MN1: variants seen among roughly 807,000 people sequenced by gnomAD.
MN1 encodes the protein MN1 proto-oncogene, transcriptional regulator, also known as transcriptional activator MN1.
MN1 carries 19 observed loss-of-function variants against 86.9 expected under a neutral mutation model. The observed-to-expected ratio is 0.22, with a 90% CI of 0.15 to 0.32. The LOEUF (loss-of-function observed/expected upper bound fraction) is 0.32. MN1 is among the 10% of genes least tolerant of loss of function. The pLI, the probability that MN1 is intolerant of heterozygous loss-of-function variation, is 1.00. For synonymous variants in MN1, 928 were observed against 849.6 expected (o/e 1.09, Z -1.60); for missense variants, 1,841 against 1,862.0 (o/e 0.99, Z 0.21).
chr22:27,761,692 A>G (rs1253732599), intron 1 of MN1, among the ~76,000 whole-genome samples: 2 of 152,088 alleles, frequency 1.3e-5, no homozygotes, highest in African/African-American at 4.8e-5. Context: ...CCCCCAACTC[A>G]TGATGGGCAG....
intron 1 of MN1, among the ~76,000 whole-genome samples, chr22:27,780,246 A>G (rs1459114599): frequency 1.3e-5 from 2 of 152,062 alleles, no homozygotes; most frequent in African/African-American, 2.4e-5. Context: ...CCAAACTGCT[A>G]ATCTGACCGT....
rs1014133724 is a variant in MN1, at chr22:27,799,379, G to A, written c.1165C>T (p.Pro389Ser). Residue 389 changes from proline to serine, a missense_variant, in exon 1 of 2, where the codon CCC becomes TCC. By Grantham distance (74) the Pro-to-Ser change is moderately conservative (BLOSUM62 -1). Coordinates refer to ENST00000302326, the MANE Select transcript of MN1 (RefSeq NM_002430.3). Reference protein sequence around the residue: ...PRPQQGEAGTPSGGLQDGGPM... With the variant: ...PRPQQGEAGTSSGGLQDGGPM... The stretch of plus-strand genomic sequence containing the variant: ...CCTCCGTCCTGCAGGCCGCCGCTGG[G>A]CGTGCCCGCCTCGCCCTGCTGGGGC... 1.9e-6 allele frequency: 3 copies of A among 1,542,694 alleles called. No homozygotes were observed. Among genetic ancestry groups the A allele is most frequent in the Non-Finnish European group, 1.7e-6 (2 of 1,147,878 alleles).
intron 1 of MN1, among the ~76,000 whole-genome samples, chr22:27,795,584 G>A (rs912119618): frequency 6.1e-4 from 93 of 152,054 alleles, no homozygotes; most frequent in African/African-American, 2.1e-3. Flanking sequence ...AGTCTGTCTA[G>A]GGAAACCAAG....
chr22:27,750,010 C>T lies in MN1; in HGVS notation c.*905G>A, dbSNP rs1301074563. The T allele has an allele frequency of 4.3e-6, 1 of 232,316 alleles. No individual in the cohort carries two copies. The highest frequency in any genetic ancestry group is 8.5e-6 in the Non-Finnish European group (1 of 117,532). 14.4% of individuals were successfully genotyped at this position (232,316 alleles called of 1,614,324 possible). Reference sequence around the variant, plus strand: ...CAAAGACTGCAGGCTGGGAGCACACCATCCCCCATGCAGACCAAAGGCTGC... The same window carrying T: ...CAAAGACTGCAGGCTGGGAGCACACTATCCCCCATGCAGACCAAAGGCTGC... On this transcript the variant is annotated 3_prime_UTR_variant, in exon 2 of 2. Transcript: ENST00000302326.
intron 1 of MN1, among the ~76,000 whole-genome samples, chr22:27,785,715 C>T (rs1313978830): frequency 6.6e-6 from 1 of 150,762 alleles, no homozygotes; most frequent in East Asian, 2.0e-4. Context: ...CTAGAAATGT[C>T]ATAATTATAG....
At chr22:27,772,712 C>T (rs1044378432) in intron 1 of MN1, among the ~76,000 whole-genome samples, 6 of 152,208 alleles carry the variant, frequency 3.9e-5, no homozygotes, top group African/African-American at 1.2e-4. Flanking sequence ...GCCTCAGTTT[C>T]CTCACCTGTC....
chr22:27,799,640 G>C lies in MN1; in HGVS notation c.904C>G (p.Gln302Glu), dbSNP rs765888331. The change falls in exon 1 of 2, where the codon CAG becomes GAG. Residue 302 changes from glutamine to glutamate, a missense_variant. By Grantham distance (29) the Gln-to-Glu change is conservative (BLOSUM62 2). Coordinates refer to ENST00000302326, the MANE Select transcript of MN1 (RefSeq NM_002430.3). ...PPQQQPQQQQ[Q>E]PQQQQQQHGV... is the part of the protein sequence containing the mutation. ...TGCTGCTGCTGCTGCTGCTGGGGCT[G>C]CTGCTGCTGCTGGGGCTGCTGCTGC... The C allele has an allele frequency of 2.1e-5, 32 of 1,548,606 alleles. No individual in the cohort carries two copies. The South Asian group carries it at 3.7e-4, about 18-fold the overall frequency.
At position 27,798,924 on chromosome 22, in the gene MN1, T is replaced by TGCTGCTGCTGCTGTTGCTGC; in HGVS notation, c.1619_1620insGCAGCAACAGCAGCAGCAGC (p.Gln547HisfsTer18). On this transcript the variant is annotated frameshift_variant, in exon 1 of 2. Transcript: ENST00000302326. LOFTEE classifies it high-confidence loss of function. ...GCTGCTGCTGCTGTTGCTGTTGCTG[T>TGCTGCTGCTGCTGTTGCTGC]TGCTGCTGCTGCTGCTGCTGTTGCT... 1 of 1,519,862 alleles carries TGCTGCTGCTGCTGTTGCTGC rather than the reference T, an allele frequency of 6.6e-7. No homozygotes were observed. 94.1% of individuals were successfully genotyped at this position (1,519,862 alleles called of 1,614,324 possible).
At position 27,792,115 on chromosome 22, in the gene MN1, A is replaced by G. The variant is rs532677283; in HGVS notation, c.3781+4648T>C. ...ATACCTCTGTCAGGCAAACAAAATC[A>G]TATCAGGAATCATAGAATTTCCTTG... is the stretch of plus-strand genomic sequence containing the variant. On this transcript the variant is annotated intron_variant, in intron 1 of 1. Transcript: ENST00000302326. 2.0e-5 allele frequency among the ~76,000 whole-genome samples: 3 copies of G among 152,256 alleles called. No homozygotes were observed. In the East Asian group the frequency reaches 5.8e-4, roughly 29 times the overall value.
chr22:27,792,938 A>C (rs1236619871), intron 1 of MN1, among the ~76,000 whole-genome samples: 1 of 152,154 alleles, frequency 6.6e-6, no homozygotes, highest in East Asian at 1.9e-4. Context: ...CCATGTTCAA[A>C]TCTTGCCTGC....
In MN1 at chr22:27,800,558, A is replaced by T; in HGVS notation, c.-15T>A. On this transcript the variant is annotated 5_prime_UTR_variant, in exon 1 of 2. Transcript: ENST00000302326. ...AGCCCAAACATACTTGGCGGGGGGCAGAGGGGGATCAATAGGGCATGACAG... is the reference window on the plus strand; with the variant it reads ...AGCCCAAACATACTTGGCGGGGGGCTGAGGGGGATCAATAGGGCATGACAG... 4.3e-6 allele frequency: 7 copies of T among 1,613,758 alleles called. No individual in the cohort carries two copies. Among genetic ancestry groups the T allele is most frequent in the Non-Finnish European group, 5.9e-6 (7 of 1,179,992 alleles).
chr22:27,756,561 C>G (rs1932803429), intron 1 of MN1, among the ~76,000 whole-genome samples: 1 of 152,138 alleles, frequency 6.6e-6, no homozygotes, highest in Non-Finnish European at 1.5e-5. Context: ...CAACAACTGC[C>G]CATATCAAGG....
chr22:27,800,680 C>CG lies in MN1; in HGVS notation c.-138_-137insC, dbSNP rs1187137279. 12 of 1,213,766 alleles carry CG rather than the reference C, an allele frequency of 9.9e-6. No individual in the cohort carries two copies. The highest frequency in any genetic ancestry group is 1.1e-5 in the Non-Finnish European group (10 of 872,502). The allele number at this position is 1,213,766 out of a possible 1,614,324, so 75.2% of individuals were successfully genotyped here. On this transcript the variant is annotated 5_prime_UTR_variant, in exon 1 of 2. Transcript: ENST00000302326. ...CACCGCGGGGGCTCAGCGCGCACCT[C>CG]CACCCCGCCTGATGTGAGGGACGGG... is the stretch of plus-strand genomic sequence containing the variant.
At chr22:27,789,690 C>G (rs571727367) in intron 1 of MN1, among the ~76,000 whole-genome samples, 54 of 152,350 alleles carry the variant, frequency 3.5e-4, no homozygotes, top group African/African-American at 1.3e-3. Flanking sequence ...TCACAGAGAG[C>G]CAGCATGTTA....
At chr22:27,783,916 T>C (rs1341386047) in intron 1 of MN1, among the ~76,000 whole-genome samples, 1 of 152,206 alleles carries the variant, frequency 6.6e-6, no homozygotes, top group African/African-American at 2.4e-5. Flanking sequence ...CACTGGCCCA[T>C]GGCGGCCAGT....
chr22:27,751,177 G>A lies in MN1; in HGVS notation c.3782-81C>T. 3.1e-6 allele frequency: 4 copies of A among 1,280,566 alleles called. No individual in the cohort carries two copies. In the East Asian group the frequency reaches 7.6e-5, roughly 24 times the overall value. The allele number at this position is 1,280,566 out of a possible 1,614,324, so 79.3% of individuals were successfully genotyped here. ...CCATAATGGGGGCCAAAGTGGCAGA[G>A]GCATACAAGACAGGCACCGTCCACG... On this transcript the variant is annotated intron_variant, in intron 1 of 1. Transcript: ENST00000302326.
Position 27,797,866 on chromosome 22 carries a change from G to A in MN1, c.2678C>T (p.Pro893Leu), listed in dbSNP as rs1327241021. ...GGAGCCGCTGCTACTGGTCCCGGAC[G>A]GGCCTCCGGGTCCTGGGGCCCCAGG... ...TAPGAPGPGG[P>L]SGTSSSGSKA... The change falls in exon 1 of 2, where the codon CCG (proline) becomes CTG (leucine). Residue 893 changes from proline (P) to leucine (L), a missense_variant. Physicochemically the swap from Pro to Leu is moderately conservative, Grantham distance 98. Coordinates refer to ENST00000302326, the MANE Select transcript of MN1 (RefSeq NM_002430.3). 4 of 1,587,736 alleles carry A rather than the reference G, an allele frequency of 2.5e-6. No homozygotes were observed. The highest frequency in any genetic ancestry group is 2.6e-6 in the Non-Finnish European group (3 of 1,168,638).
chr22:27,759,692 A>T (rs1932822228), intron 1 of MN1, among the ~76,000 whole-genome samples: 1 of 152,184 alleles, frequency 6.6e-6, no homozygotes, highest in African/African-American at 2.4e-5. Flanking sequence ...AGACATGCCC[A>T]TGTGGCTCCC....
chr22:27,791,338 A>G (rs1033891634), intron 1 of MN1, among the ~76,000 whole-genome samples: 5 of 152,058 alleles, frequency 3.3e-5, no homozygotes, highest in African/African-American at 4.8e-5. Flanking sequence ...ATACATCAAC[A>G]TCTCCACCAA....
Sources: allele counts gnomAD v4.1 joint callset (sites outside exome capture counted in the v4.1 genomes callset), GRCh38; gene constraint gnomAD v4.1.1; transcripts MANE v1.5; gene names NCBI Gene and HGNC (gene_info 2026-07-23, HGNC 2026-07-21).